The following ADGRF3 variants were observed in gnomAD, a reference collection of about 807,000 sequenced individuals.
ADGRF3 encodes G protein-coupled receptor 113.
In ADGRF3, 85 loss-of-function variants were observed where a neutral mutation model predicts 93.2. The observed-to-expected ratio is 0.91, with a 90% CI of 0.77 to 1.09. The LOEUF (loss-of-function observed/expected upper bound fraction) is 1.09. ADGRF3 is among the 50% of genes least tolerant of loss of function. ADGRF3 has a pLI of 0.00. For synonymous variants in ADGRF3, 534 were observed against 532.5 expected, an observed-to-expected ratio of 1.00 and a Z score of -0.04; for missense variants, 1,125 against 1,246.2, an observed-to-expected ratio of 0.90 and a Z score of 1.46.
intron 1 of ADGRF3, among the ~76,000 whole-genome samples, chr2:26,321,552 G>A (rs1006670853): frequency 2.0e-5 from 3 of 152,146 alleles, no homozygotes; most frequent in African/African-American, 4.8e-5. Flanking sequence ...GGATGCTTCA[G>A]TGCCGAGGGG....
chr2:26,317,245 A>G (rs1189981347), intron 2 of ADGRF3, among the ~76,000 whole-genome samples, 190 bp from the exon 3 acceptor site: 1 of 152,176 alleles, frequency 6.6e-6, no homozygotes, highest in African/African-American at 2.4e-5. Context: ...GCCTTCAGAT[A>G]CACGGCTTCA....
chr2:26,344,856 ATATACCAGG>A (rs751046200), intron 1 of ADGRF3, among the ~76,000 whole-genome samples: 18 of 152,174 alleles, frequency 1.2e-4, no homozygotes, highest in Non-Finnish European at 2.1e-4. Context: ...ATTATCTACC[ATATACCAGG>A]TATAAGATTA....
chr2:26,322,237 A>G (rs1268512195), intron 1 of ADGRF3, among the ~76,000 whole-genome samples: 2 of 147,282 alleles, frequency 1.4e-5, no homozygotes, highest in East Asian at 4.0e-4. Flanking sequence ...AGCCGAGATC[A>G]CTGCCACTGC....
chr2:26,346,367 C>T lies in ADGRF3; in HGVS notation c.-133G>A. ...GCTGAGGGGCCCGCGCGGCGCGGTC[C>T]GTGTCACCTTGTGCCGCGTGGCTCC... On this transcript the variant is annotated 5_prime_UTR_variant, in exon 1 of 14. Coordinates refer to ENST00000651242, the MANE Select transcript of ADGRF3 (RefSeq NM_001321971.2). 2.0e-6 allele frequency: 3 copies of T among 1,475,706 alleles called. No homozygotes were observed. The highest frequency in any genetic ancestry group is 2.6e-5 in the South Asian group (2 of 75,690). The allele number at this position is 1,475,706 out of a possible 1,614,324, so 91.4% of individuals were successfully genotyped here. A position where few individuals can be genotyped will look rare whatever the true frequency, so the allele number is the denominator to read the frequency against.
In ADGRF3 at chr2:26,346,278, G is replaced by GATA; in HGVS notation, c.-47_-45dup. On this transcript the variant is annotated 5_prime_UTR_variant, in exon 1 of 14. Coordinates refer to ENST00000651242, the MANE Select transcript of ADGRF3 (RefSeq NM_001321971.2). ...GAGCCCGGAGCAGCTGGCTGGCTTT[G>GATA]ATAAGTACAAGGTACCGCGGGCCGG... The GATA allele has an allele frequency of 6.2e-7, 1 of 1,613,528 alleles. No individual in the cohort carries two copies. The highest frequency in any genetic ancestry group is 8.5e-7 in the Non-Finnish European group (1 of 1,179,568).
chr2:26,318,854 C>G (rs772409097), intron 1 of ADGRF3: 281 of 1,516,632 alleles, frequency 1.9e-4, no homozygotes, highest in Non-Finnish European at 2.4e-4. Flanking sequence ...CCTCTCCCCT[C>G]AGCCCTTTCC....
At chr2:26,314,771 C>T (rs1250781905) in intron 5 of ADGRF3, 148 bp from the exon 6 acceptor site, 3 of 660,338 alleles carry the variant, frequency 4.5e-6, no homozygotes, top group Non-Finnish European at 7.9e-6. Context: ...CAGGATGGCC[C>T]CTTTGGTGGA....
At chr2:26,317,291 G>C (rs1366339864) in intron 2 of ADGRF3, among the ~76,000 whole-genome samples, 1 of 152,156 alleles carries the variant, frequency 6.6e-6, no homozygotes, top group Non-Finnish European at 1.5e-5. Context: ...TTATGGATGA[G>C]GCTTCAAAGA....
chr2:26,323,428 A>G (rs80264288), intron 1 of ADGRF3, among the ~76,000 whole-genome samples: 1,604 of 152,222 alleles, frequency 0.011, 25 homozygotes, highest in African/African-American at 0.037. Context: ...ACACCTCTAA[A>G]CATGGATTGT....
At chr2:26,338,700 G>C (rs1676191554) in intron 1 of ADGRF3, among the ~76,000 whole-genome samples, 1 of 152,144 alleles carries the variant, frequency 6.6e-6, no homozygotes, top group African/African-American at 2.4e-5. Context: ...GATCTCAGGT[G>C]ATCTGCCTGC....
Position 26,309,561 on chromosome 2 carries a change from G to T in ADGRF3, c.2958C>A (p.Ile986=). The change falls in exon 13 of 14, where the codon ATC becomes ATA. Residue 986 remains isoleucine (I), a synonymous_variant. Transcript: ENST00000651242. The part of the protein sequence containing the change: ...TISLATNEGC[I]LEHSKGGSDT... The stretch of plus-strand genomic sequence containing the variant: ...CGCTTCCTCCTTTGCTGTGTTCCAA[G>T]ATGCAGCCTTCATTTGTGGCCTAGG... 3 of 1,612,810 alleles carry T rather than the reference G, an allele frequency of 1.9e-6. No homozygotes were observed. The highest frequency in any genetic ancestry group is 1.3e-5 in the African/African-American group (1 of 75,016).
intron 1 of ADGRF3, among the ~76,000 whole-genome samples, chr2:26,332,731 G>C (rs779268212): frequency 1.3e-5 from 2 of 151,990 alleles, no homozygotes; most frequent in African/African-American, 2.4e-5. Context: ...CAGAGTGACA[G>C]TCTGTCTCAA....
rs977671933 is a variant in ADGRF3 at position 26,346,381 on chromosome 2, C to T, written c.-147G>A. ...GCGGCGCGGTCCGTGTCACCTTGTG[C>T]CGCGTGGCTCCGGGCGGGCTGGCGG... On this transcript the variant is annotated 5_prime_UTR_variant, in exon 1 of 14. Transcript: ENST00000651242. 8.6e-6 allele frequency: 12 copies of T among 1,388,070 alleles called. No individual in the cohort carries two copies. The highest frequency in any genetic ancestry group is 4.6e-5 in the South Asian group (3 of 65,528). 86.0% of individuals were successfully genotyped at this position (1,388,070 alleles called of 1,614,324 possible). A position where few individuals can be genotyped will look rare whatever the true frequency, so the allele number is the denominator to read the frequency against.
chr2:26,317,198 G>A, intron 2 of ADGRF3, 143 bp from the exon 3 acceptor site: 1 of 875,772 alleles, frequency 1.1e-6, no homozygotes, highest in South Asian at 1.7e-5. Flanking sequence ...ATATAGACAG[G>A]GCTCAGGAAG....
intron 1 of ADGRF3, among the ~76,000 whole-genome samples, chr2:26,331,243 G>C (rs1039438796): frequency 3.3e-5 from 5 of 152,112 alleles, no homozygotes; most frequent in Non-Finnish European, 4.4e-5. Context: ...GCTTTTGTAA[G>C]TGTTCTGTAT....
At chr2:26,345,988 G>C in intron 1 of ADGRF3, 133 bp downstream of exon 1, 1 of 865,518 alleles carries the variant, frequency 1.2e-6, no homozygotes, top group South Asian at 1.7e-5. Context: ...GTCGGGGGAC[G>C]GGCCGCTCGA....
In ADGRF3 at chr2:26,310,058, G is replaced by C; in HGVS notation, c.2922C>G (p.Ser974Arg). ...AGCAACTCACCAGGGAGATGGTGGA[G>C]CTGGGGGCTTGGGCGCGGCAGAAGC... ...RKRFCRAQAPSSTISLATNEG... is the reference protein window; with the variant it reads ...RKRFCRAQAPRSTISLATNEG... The change falls in exon 12 of 14, where the codon AGC becomes AGG. Residue 974 changes from serine (S) to arginine (R), a missense_variant. Ser to Arg is a moderately radical substitution (Grantham distance 110, BLOSUM62 -1). Transcript: ENST00000651242. 6.2e-7 allele frequency: 1 copy of C among 1,614,080 alleles called. No individual in the cohort carries two copies. Among genetic ancestry groups the C allele is most frequent in the Non-Finnish European group, 8.5e-7 (1 of 1,179,902 alleles).
At chr2:26,314,730 A>G in intron 5 of ADGRF3, 107 bp from the exon 6 acceptor site, 1 of 1,032,708 alleles carries the variant, frequency 9.7e-7, no homozygotes. Flanking sequence ...TCTGCCTGCC[A>G]CCCAGTGCTT....
chr2:26,338,991 T>C (rs1676214256), intron 1 of ADGRF3, among the ~76,000 whole-genome samples: 2 of 149,486 alleles, frequency 1.3e-5, no homozygotes, highest in Non-Finnish European at 3.0e-5. Flanking sequence ...CAAAAATTGG[T>C]GGTGTGCACC....
Sources: allele counts gnomAD v4.1 joint callset (sites outside exome capture counted in the v4.1 genomes callset), GRCh38; gene constraint gnomAD v4.1.1; transcripts MANE v1.5; gene names NCBI Gene and HGNC (gene_info 2026-07-23, HGNC 2026-07-21).